EFCC1: variants seen among roughly 807,000 people sequenced by gnomAD.
The protein encoded by EFCC1 is EF-hand and coiled-coil domain containing 1, also known as EF-hand and coiled-coil domain-containing protein 1.
EFCC1 carries 50 observed loss-of-function variants against 52.1 expected under a neutral mutation model. That is an observed-to-expected ratio of 0.96 (90% CI 0.76 to 1.21). EFCC1 has a LOEUF of 1.21. EFCC1 is among the 50% of genes most tolerant of loss of function. EFCC1 has a pLI of 0.00. For missense variants in EFCC1, 837 were observed against 867.3 expected (o/e 0.97, Z 0.44); for synonymous variants, 399 against 396.5 (o/e 1.01, Z -0.08).
At chr3:129,006,304 G>A (rs1371518894) in intron 2 of EFCC1, among the ~76,000 whole-genome samples, 3 of 152,150 alleles carry the variant, frequency 2.0e-5, no homozygotes, top group African/African-American at 7.2e-5. Flanking sequence ...AACAAAACTG[G>A]AGTTCTGTTT....
Position 129,001,484 on chromosome 3 carries a change from G to C in EFCC1, c.-145G>C. 8.0e-7 allele frequency: 1 copy of C among 1,249,310 alleles called. No homozygotes were observed. Among genetic ancestry groups the C allele is most frequent in the Non-Finnish European group, 1.0e-6 (1 of 978,272 alleles). The allele number at this position is 1,249,310 out of a possible 1,614,324, so 77.4% of individuals were successfully genotyped here. On this transcript the variant is annotated 5_prime_UTR_variant, in exon 1 of 8. Coordinates refer to ENST00000683648, the MANE Select transcript of EFCC1 (RefSeq NM_001377500.1). ...CCAGACGCACTGTGAGGCCAGCGCA[G>C]CTGCTGGACACGGTCCCCGGCGCCG...
chr3:129,026,976 C>G (rs1946133461), intron 2 of EFCC1, among the ~76,000 whole-genome samples: 1 of 152,170 alleles, frequency 6.6e-6, no homozygotes, highest in African/African-American at 2.4e-5. Context: ...AAGCCTGATC[C>G]AGCAGCTCAA....
At chr3:129,026,685 AT>A (rs1946120319) in intron 2 of EFCC1, among the ~76,000 whole-genome samples, 1 of 152,110 alleles carries the variant, frequency 6.6e-6, no homozygotes, top group Non-Finnish European at 1.5e-5. Flanking sequence ...CAGTGACCTT[AT>A]TCCCTTGTGT....
At chr3:129,029,129 C>T in intron 2 of EFCC1, among the ~76,000 whole-genome samples, 1 of 152,148 alleles carries the variant, frequency 6.6e-6, no homozygotes, top group African/African-American at 2.4e-5. Context: ...ACTCGGCCTC[C>T]CCTTTTCCAA....
Position 129,034,236 on chromosome 3 carries a change from C to T in EFCC1, c.1359C>T (p.Thr453=), listed in dbSNP as rs1559975974. ...TCGGCGGTGCCAACCATGCCCATAC[C>T]CTGGGGGAGCTGGAGGCCTGCATTG... is the stretch of plus-strand genomic sequence containing the variant. The part of the protein sequence containing the change: ...GHFGGANHAH[T]LGELEACIAM... The change falls in exon 5 of 8, where the codon ACC becomes ACT. Residue 453 remains threonine, a synonymous_variant. Transcript: ENST00000683648. 1 of 1,614,152 alleles carries T rather than the reference C, an allele frequency of 6.2e-7. No individual in the cohort carries two copies. Among genetic ancestry groups the T allele is most frequent in the Non-Finnish European group, 8.5e-7 (1 of 1,180,026 alleles).
chr3:129,027,263 G>C (rs556287944), intron 2 of EFCC1, among the ~76,000 whole-genome samples: 3 of 152,172 alleles, frequency 2.0e-5, no homozygotes, highest in Non-Finnish European at 4.4e-5. Flanking sequence ...GGGCGGCGGC[G>C]GTGCTCGCAG....
intron 2 of EFCC1, among the ~76,000 whole-genome samples, chr3:129,026,138 G>A (rs1360990738): frequency 6.6e-6 from 1 of 152,258 alleles, no homozygotes; most frequent in Non-Finnish European, 1.5e-5. Flanking sequence ...ACAGCTTTCA[G>A]AACATTCTGA....
Position 129,002,012 on chromosome 3 carries a change from G to A in EFCC1, c.384G>A (p.Glu128=), listed in dbSNP as rs1465041365. 1 of 1,545,642 alleles carries A rather than the reference G, an allele frequency of 6.5e-7. No homozygotes were observed. The highest frequency in any genetic ancestry group is 2.5e-5 in the East Asian group (1 of 40,574). ...ACGGGGACTCAGATACCGATGAAGA[G>A]GCGCGCCTGGCGCTGCGCGCCGAGC... The part of the protein sequence containing the change: ...ATDGDSDTDE[E]ARLALRAEPP... Residue 128 remains glutamate, a synonymous_variant, in exon 1 of 8, where the codon GAG becomes GAA. Transcript: ENST00000683648.
intron 2 of EFCC1, among the ~76,000 whole-genome samples, chr3:129,005,043 T>A (rs1380226893): frequency 6.6e-6 from 1 of 152,106 alleles, no homozygotes; most frequent in Non-Finnish European, 1.5e-5. Flanking sequence ...TCTCTCCCTT[T>A]CAAATCACAA....
At chr3:129,027,389 T>C (rs561495035) in intron 2 of EFCC1, among the ~76,000 whole-genome samples, 4 of 152,188 alleles carry the variant, frequency 2.6e-5, no homozygotes, top group African/African-American at 9.6e-5. Flanking sequence ...TCGCGGGCCC[T>C]CCAAGTGCCA....
At chr3:129,003,724 G>A in intron 1 of EFCC1, 70 bp from the exon 2 acceptor site, 3 of 1,262,248 alleles carry the variant, frequency 2.4e-6, no homozygotes, top group Non-Finnish European at 1.0e-6. Flanking sequence ...GGCCGCCGTC[G>A]TGGCGGGCGT....
intron 4 of EFCC1, among the ~76,000 whole-genome samples, chr3:129,033,241 G>A (rs1946308348): frequency 6.6e-6 from 1 of 152,182 alleles, no homozygotes; most frequent in Non-Finnish European, 1.5e-5. Flanking sequence ...AGCACTCCCA[G>A]ACACCAGTGT....
intron 1 of EFCC1, 151 bp from the exon 2 acceptor site, chr3:129,003,643 C>T (rs1225535358): frequency 3.8e-6 from 3 of 780,720 alleles, no homozygotes; most frequent in East Asian, 4.1e-5. Flanking sequence ...CGCACCGGAC[C>T]TAAGGGCCTG....
chr3:129,029,670 G>C (rs542348132), intron 2 of EFCC1, among the ~76,000 whole-genome samples: 1 of 150,986 alleles, frequency 6.6e-6, no homozygotes, highest in African/African-American at 2.4e-5. Context: ...TCCACCTCCT[G>C]GGCTCCCAGG....
chr3:129,009,894 C>T (rs1358470870), intron 2 of EFCC1, among the ~76,000 whole-genome samples: 7 of 152,224 alleles, frequency 4.6e-5, no homozygotes, highest in African/African-American at 1.4e-4. Context: ...AACCTGTGCC[C>T]ATCCAGGTGA....
intron 5 of EFCC1, among the ~76,000 whole-genome samples, chr3:129,034,868 G>A (rs538241248): frequency 2.6e-5 from 4 of 152,316 alleles, no homozygotes; most frequent in Admixed American, 1.3e-4. Flanking sequence ...GTGGTGGGGC[G>A]GGTTCAGTGA....
At position 129,001,579 on chromosome 3, in the gene EFCC1, G is replaced by C; in HGVS notation, c.-50G>C. On this transcript the variant is annotated 5_prime_UTR_variant, in exon 1 of 8. Transcript: ENST00000683648. ...CTGGGGCCGCCCCTGGAAGTGGCGGGGCGAAGGGACCGGAGGAGGGACCGG... is the reference window on the plus strand; with the variant it reads ...CTGGGGCCGCCCCTGGAAGTGGCGGCGCGAAGGGACCGGAGGAGGGACCGG... 3 of 1,347,086 alleles carry C rather than the reference G, an allele frequency of 2.2e-6. No individual in the cohort carries two copies. Among genetic ancestry groups the C allele is most frequent in the Non-Finnish European group, 2.8e-6 (3 of 1,055,416 alleles). 83.4% of individuals were successfully genotyped at this position (1,347,086 alleles called of 1,614,324 possible).
rs1471256846 is a variant in EFCC1, at chr3:129,039,866, G to C, written c.*18G>C. 1 of 1,586,914 alleles carries C rather than the reference G, an allele frequency of 6.3e-7. No homozygotes were observed. Among genetic ancestry groups the C allele is most frequent in the African/African-American group, 1.3e-5 (1 of 74,336 alleles). ...CCTGCTGAGGTTACTGGCCCACCCT[G>C]TGGGCACCCTGCTCAGCCTGACTGC... On this transcript the variant is annotated 3_prime_UTR_variant, in exon 8 of 8. Coordinates refer to ENST00000683648, the MANE Select transcript of EFCC1 (RefSeq NM_001377500.1).
chr3:129,013,190 G>A (rs11919417), intron 2 of EFCC1, among the ~76,000 whole-genome samples: 3,582 of 152,228 alleles, frequency 0.024, 140 homozygotes, highest in African/African-American at 0.08. Flanking sequence ...CATCATGATC[G>A]CCAGATTGTT....
Sources: allele counts gnomAD v4.1 joint callset (sites outside exome capture counted in the v4.1 genomes callset), GRCh38; gene constraint gnomAD v4.1.1; transcripts MANE v1.5; gene names NCBI Gene and HGNC (gene_info 2026-07-23, HGNC 2026-07-21).